WWC2: variants seen among roughly 807,000 people sequenced by gnomAD.
The protein encoded by WWC2 is WW and C2 domain containing 2, also known as protein WWC2.
Under a neutral mutation model 138.5 loss-of-function variants are expected in WWC2, and 101 were observed. That is an observed-to-expected ratio of 0.73 (90% CI 0.62 to 0.86). The LOEUF is 0.86. WWC2 is among the 40% of genes least tolerant of loss of function. The pLI, the probability that WWC2 is intolerant of heterozygous loss-of-function variation, is 0.00. For synonymous variants in WWC2, 558 were observed against 538.4 expected (o/e 1.04, Z -0.50); for missense variants, 1,420 against 1,419.4 (o/e 1.00, Z -0.01).
intron 1 of WWC2, among the ~76,000 whole-genome samples, chr4:183,151,536 T>TA (rs1453441575): frequency 1.3e-5 from 2 of 152,234 alleles, no homozygotes; most frequent in Non-Finnish European, 1.5e-5. Context: ...AGAAGCTCTT[T>TA]AGTTTAGTTA....
rs79593228 is a variant in WWC2 at position 183,254,073 on chromosome 4, G to T, written c.1196+74G>T. 6.4e-3 allele frequency: 9,841 copies of T among 1,541,032 alleles called. 562 individuals are homozygous for T. The African/African-American group carries it at 0.12, about 19-fold the overall frequency. ...CTTAACTGGATACTATTTTCCCTGG[G>T]TTTGGAAATCTCAATTGCATCTGTT... On this transcript the variant is annotated intron_variant, in intron 9 of 22. Transcript: ENST00000403733.
intron 1 of WWC2, among the ~76,000 whole-genome samples, chr4:183,145,024 G>C (rs531538943): frequency 2.6e-5 from 4 of 152,190 alleles, no homozygotes; most frequent in Admixed American, 6.5e-5. Context: ...TAGAATTCCC[G>C]GTGCTTCTTT....
intron 4 of WWC2, among the ~76,000 whole-genome samples, chr4:183,209,933 T>C (rs951009268): frequency 2.0e-5 from 3 of 152,204 alleles, no homozygotes; most frequent in Non-Finnish European, 4.4e-5. Flanking sequence ...AAGGTGGTAC[T>C]AGCCTCATGA....
intron 10 of WWC2, among the ~76,000 whole-genome samples, chr4:183,260,141 TC>T (rs1580119999): frequency 1.3e-5 from 2 of 152,194 alleles, no homozygotes; most frequent in African/African-American, 4.8e-5. Context: ...GTGACTTCTT[TC>T]TTTTTATAAG....
chr4:183,110,359 A>C (rs1732193609), intron 1 of WWC2, among the ~76,000 whole-genome samples: 1 of 152,328 alleles, frequency 6.6e-6, no homozygotes, highest in African/African-American at 2.4e-5. Context: ...GATCAAGCAA[A>C]AAATTATTCC....
At chr4:183,282,593 C>T in intron 17 of WWC2, 115 bp from the exon 18 acceptor site, 1 of 1,058,580 alleles carries the variant, frequency 9.4e-7, no homozygotes. Context: ...AAAGAAATGG[C>T]TTGGCTCATT....
At chr4:183,109,554 G>T (rs542772339) in intron 1 of WWC2, among the ~76,000 whole-genome samples, 8 of 152,244 alleles carry the variant, frequency 5.3e-5, no homozygotes, top group African/African-American at 1.7e-4. Flanking sequence ...TCATAGGAGC[G>T]CACAGCCTGG....
At chr4:183,119,417 C>T (rs1732529409) in intron 1 of WWC2, among the ~76,000 whole-genome samples, 1 of 152,164 alleles carries the variant, frequency 6.6e-6, no homozygotes, top group South Asian at 2.1e-4. Context: ...ATCCTCGCCT[C>T]TTCTTCAGGT....
intron 1 of WWC2, among the ~76,000 whole-genome samples, chr4:183,137,238 T>G (rs577532514): frequency 6.6e-6 from 1 of 152,332 alleles, no homozygotes; most frequent in East Asian, 1.9e-4. Flanking sequence ...CTGTAACATT[T>G]TGACTTTAAA....
Position 183,165,631 on chromosome 4 carries a change from A to C in WWC2, c.132-27968A>C, listed in dbSNP as rs572178686. The stretch of plus-strand genomic sequence containing the variant: ...GTTACATAAATGCTACATACTTCTC[A>C]TGCCTTCAGACTCATAGCAAATAGG... On this transcript the variant is annotated intron_variant, in intron 1 of 22. Transcript: ENST00000403733. Among the ~76,000 whole-genome samples the C allele has an allele frequency of 8.5e-5, 13 of 152,306 alleles. No individual in the cohort carries two copies. The East Asian group carries it at 2.5e-3, about 29-fold the overall frequency.
intron 1 of WWC2, among the ~76,000 whole-genome samples, chr4:183,155,053 G>C (rs1424902741): frequency 6.6e-6 from 1 of 152,198 alleles, no homozygotes; most frequent in Non-Finnish European, 1.5e-5. Flanking sequence ...ACAATGAGAG[G>C]AAGGAGGGAC....
chr4:183,237,405 G>A (rs1736461083), intron 4 of WWC2, among the ~76,000 whole-genome samples: 1 of 151,816 alleles, frequency 6.6e-6, no homozygotes, highest in African/African-American at 2.4e-5. Context: ...ACTGATTGCT[G>A]TGGCTCTTTT....
chr4:183,218,430 T>C (rs1279076354), intron 4 of WWC2, among the ~76,000 whole-genome samples: 6 of 152,218 alleles, frequency 3.9e-5, no homozygotes, highest in Non-Finnish European at 7.3e-5. Flanking sequence ...TTCTTTGGGG[T>C]ATATATCCAG....
chr4:183,129,778 A>C (rs1732865905), intron 1 of WWC2, among the ~76,000 whole-genome samples: 2 of 152,146 alleles, frequency 1.3e-5, no homozygotes, highest in South Asian at 4.1e-4. Flanking sequence ...AATCATTTGG[A>C]TATTTCTGGC....
In WWC2 at chr4:183,284,078, T is replaced by C. The variant is rs187801218; in HGVS notation, c.2884-148T>C. 1.3e-4 allele frequency: 107 copies of C among 849,696 alleles called. No individual in the cohort carries two copies. The African/African-American group carries it at 1.6e-3, about 13-fold the overall frequency. 52.6% of individuals were successfully genotyped at this position (849,696 alleles called of 1,614,324 possible). On this transcript the variant is annotated intron_variant, in intron 18 of 22. Coordinates refer to ENST00000403733, the MANE Select transcript of WWC2 (RefSeq NM_024949.6). ...CAGAAGTACTTCAGAAGTACTATAG[T>C]CTGTAATGCAAAGCCTTTCTCTTAG...
At chr4:183,277,729 C>A (rs113904473) in intron 16 of WWC2, among the ~76,000 whole-genome samples, 34,139 of 144,760 alleles carry the variant, frequency 0.24, 4,365 homozygotes, top group Middle Eastern at 0.42. Flanking sequence ...CTCTGATGGC[C>A]AGTGATGGTG....
intron 5 of WWC2, among the ~76,000 whole-genome samples, chr4:183,241,502 C>G (rs569144843): frequency 5.6e-4 from 85 of 152,300 alleles, no homozygotes; most frequent in African/African-American, 1.9e-3. Context: ...TTCCTGCTTA[C>G]CGCATAGAAT....
In WWC2 at chr4:183,284,464, G is replaced by A. The variant is rs144856957; in HGVS notation, c.3048+74G>A. 2.0e-4 allele frequency: 305 copies of A among 1,554,472 alleles called. 1 individual carries two copies. In the East Asian group the frequency reaches 6.6e-3, roughly 34 times the overall value. On this transcript the variant is annotated intron_variant, in intron 19 of 22. Transcript: ENST00000403733. ...CTGCTGGTAGGGAGTGGCCTGCAAAGGACAAGAGACTGTGCACTGGGAGTC... is the reference window on the plus strand; with the variant it reads ...CTGCTGGTAGGGAGTGGCCTGCAAAAGACAAGAGACTGTGCACTGGGAGTC...
Position 183,152,657 on chromosome 4 carries a change from G to T in WWC2, c.132-40942G>T, listed in dbSNP as rs568512074. On this transcript the variant is annotated intron_variant, in intron 1 of 22. Transcript: ENST00000403733. Reference sequence around the variant, plus strand: ...CATAGCACTTTGAGAGGCCAAGGCGGCAGATCACCTGAGTCAGAAGTTCAA... The same window carrying T: ...CATAGCACTTTGAGAGGCCAAGGCGTCAGATCACCTGAGTCAGAAGTTCAA... Among the ~76,000 whole-genome samples the T allele has an allele frequency of 2.0e-5, 3 of 152,144 alleles. No homozygotes were observed. The East Asian group carries it at 5.8e-4, about 30-fold the overall frequency.
Sources: gnomAD v4.1 joint callset for allele counts (sites outside exome capture counted in the v4.1 genomes callset) on GRCh38, gnomAD v4.1.1 for gene constraint, MANE v1.5 for transcripts, NCBI Gene and HGNC (gene_info 2026-07-23, HGNC 2026-07-21) for gene names.